ADGRL3: variants seen among roughly 807,000 people sequenced by gnomAD.
ADGRL3 encodes the protein calcium-independent alpha-latrotoxin receptor 3.
ADGRL3 carries 62 observed loss-of-function variants against 153.5 expected under a neutral mutation model. The observed-to-expected ratio is 0.40, with a 90% CI of 0.33 to 0.50. The LOEUF (loss-of-function observed/expected upper bound fraction) is 0.50, where lower values mean the gene tolerates loss of function less well. Among genes scored for constraint, ADGRL3 ranks in the 20% least tolerant of loss-of-function variants. The probability of loss-of-function intolerance (pLI) is 0.47; values close to 1 mark genes in which losing one functional copy is unlikely to be tolerated. For synonymous variants in ADGRL3, 710 were observed against 672.5 expected, an observed-to-expected ratio of 1.06 and a Z score of -0.86; for missense variants, 1,641 against 1,859.4, an observed-to-expected ratio of 0.88 and a Z score of 2.16.
intron 4 of ADGRL3, among the ~76,000 whole-genome samples, chr4:61,526,920 A>G (rs2098566060): frequency 6.6e-6 from 1 of 152,190 alleles, no homozygotes; most frequent in African/African-American, 2.4e-5. Flanking sequence ...GCAAAAACAA[A>G]GTGAAGACTT....
intron 3 of ADGRL3, among the ~76,000 whole-genome samples, chr4:61,508,683 G>A (rs1395482054): frequency 6.6e-6 from 1 of 152,112 alleles, no homozygotes; most frequent in African/African-American, 2.4e-5. Flanking sequence ...CTGTCACCCA[G>A]GGTAATGAGC....
At chr4:61,232,842 G>T (rs1751319948) in intron 1 of ADGRL3, among the ~76,000 whole-genome samples, 1 of 152,054 alleles carries the variant, frequency 6.6e-6, no homozygotes, top group Admixed American at 6.6e-5. Flanking sequence ...AGCTTTATGA[G>T]GATATTTGCC....
intron 2 of ADGRL3, among the ~76,000 whole-genome samples, chr4:61,404,729 G>A (rs1053027970): frequency 1.3e-5 from 2 of 151,968 alleles, no homozygotes; most frequent in African/African-American, 4.8e-5. Flanking sequence ...TCACTTTTGT[G>A]CTTTGCAAAA....
rs1193591745 is a variant in ADGRL3, at chr4:61,437,221, T to G, written c.-174+54032T>G. On this transcript the variant is annotated intron_variant, in intron 2 of 26. Transcript: ENST00000683033. ...ACAGAATGTTCAGATTAAATTTTAT[T>G]CAACGCTTTGGAAAGTTGATTAAAC... is the stretch of plus-strand genomic sequence containing the variant. 2.0e-5 allele frequency among the ~76,000 whole-genome samples: 3 copies of G among 152,190 alleles called. No individual in the cohort carries two copies. The East Asian group carries it at 5.8e-4, about 29-fold the overall frequency.
chr4:61,598,696 A>G (rs7690595), intron 5 of ADGRL3, among the ~76,000 whole-genome samples: 57,459 of 152,036 alleles, frequency 0.38, 12,334 homozygotes, highest in East Asian at 0.89. Context: ...ATGTAAGTAT[A>G]TAAGGTATAT....
At chr4:61,737,459 A>T (rs1034965513) in intron 8 of ADGRL3, among the ~76,000 whole-genome samples, 1 of 152,210 alleles carries the variant, frequency 6.6e-6, no homozygotes, top group Non-Finnish European at 1.5e-5. Flanking sequence ...AGGCTTCTGA[A>T]CATGAGCTTG....
At chr4:61,811,950 A>G (rs2097630026) in intron 8 of ADGRL3, among the ~76,000 whole-genome samples, 1 of 152,306 alleles carries the variant, frequency 6.6e-6, no homozygotes, top group East Asian at 1.9e-4. Context: ...GAGCCAATAT[A>G]AAGTAAATGA....
intron 2 of ADGRL3, among the ~76,000 whole-genome samples, chr4:61,431,145 T>C (rs1243327831): frequency 6.6e-6 from 1 of 152,184 alleles, no homozygotes; most frequent in African/African-American, 2.4e-5. Flanking sequence ...AGAAAAAAGG[T>C]AGCTTGGGGA....
At chr4:61,965,269 G>C (rs186355706) in intron 17 of ADGRL3, among the ~76,000 whole-genome samples, 24 of 152,050 alleles carry the variant, frequency 1.6e-4, no homozygotes, top group African/African-American at 5.8e-4. Flanking sequence ...AAAGTGCTAG[G>C]ATTACAGGCG....
intron 8 of ADGRL3, among the ~76,000 whole-genome samples, chr4:61,789,998 G>A (rs189565965): frequency 6.4e-4 from 97 of 152,230 alleles, no homozygotes; most frequent in African/African-American, 2.3e-3. Context: ...ACCTAAATGA[G>A]AGTGTTTAAG....
chr4:61,460,526 A>C (rs2097798699), intron 2 of ADGRL3, among the ~76,000 whole-genome samples: 1 of 151,872 alleles, frequency 6.6e-6, no homozygotes, highest in African/African-American at 2.4e-5. Context: ...GATAATTAAC[A>C]GAGACAGGGA....
intron 1 of ADGRL3, among the ~76,000 whole-genome samples, chr4:61,358,366 G>A (rs2096218205): frequency 6.6e-6 from 1 of 152,076 alleles, no homozygotes; most frequent in Admixed American, 6.5e-5. Flanking sequence ...GGGAGGCCAA[G>A]GTGGGCGGAT....
chr4:62,026,959 A>G (rs1718999691), intron 21 of ADGRL3, among the ~76,000 whole-genome samples: 1 of 152,080 alleles, frequency 6.6e-6, no homozygotes, highest in African/African-American at 2.4e-5. Flanking sequence ...TAAAATCTAT[A>G]CAAAGCTTAA....
intron 6 of ADGRL3, among the ~76,000 whole-genome samples, chr4:61,730,262 A>T (rs184461024): frequency 2.0e-5 from 3 of 152,052 alleles, no homozygotes; most frequent in African/African-American, 7.2e-5. Flanking sequence ...ACTATTTGAA[A>T]GCTTTCTTTG....
chr4:61,935,892 A>G (rs1323810485), intron 14 of ADGRL3, 31 bp from the exon 15 acceptor site: 4 of 1,565,854 alleles, frequency 2.6e-6, no homozygotes, highest in East Asian at 4.6e-5. Context: ...ATGTTTCTCA[A>G]TGAGCACTGA....
chr4:62,066,529 CTGGACCATT>C (rs1743076350), intron 25 of ADGRL3, among the ~76,000 whole-genome samples: 1 of 151,998 alleles, frequency 6.6e-6, no homozygotes, highest in East Asian at 1.9e-4. Context: ...CAGAGTACTT[CTGGACCATT>C]ATCTTCTTGT....
chr4:62,066,769 TA>T (rs1743200890), intron 25 of ADGRL3, among the ~76,000 whole-genome samples: 1 of 152,130 alleles, frequency 6.6e-6, no homozygotes. Context: ...AGAATGTATA[TA>T]AATAGATTTT....
chr4:61,208,032 G>A (rs1179213060), intron 1 of ADGRL3, among the ~76,000 whole-genome samples: 1 of 152,142 alleles, frequency 6.6e-6, no homozygotes, highest in Non-Finnish European at 1.5e-5. Context: ...ATAATCCAGT[G>A]TAGAAAACTT....
chr4:61,633,214 T>C (rs2093269157), intron 5 of ADGRL3, among the ~76,000 whole-genome samples: 1 of 138,024 alleles, frequency 7.2e-6, no homozygotes, highest in Non-Finnish European at 1.6e-5. Flanking sequence ...TTGATAAAAC[T>C]GTACCTGCGT....
Sources: allele counts gnomAD v4.1 joint callset (sites outside exome capture counted in the v4.1 genomes callset), GRCh38; gene constraint gnomAD v4.1.1; transcripts MANE v1.5; gene names NCBI Gene and HGNC (gene_info 2026-07-23, HGNC 2026-07-21).